RTEL1: variants seen among roughly 807,000 people sequenced by gnomAD.
RTEL1 encodes regulator of telomere elongation helicase 1.
A neutral mutation model predicts 162.2 loss-of-function variants in RTEL1; 86 were observed. That is an observed-to-expected ratio of 0.53 (90% CI 0.45 to 0.63). The LOEUF (loss-of-function observed/expected upper bound fraction) is 0.63. RTEL1 is among the 30% of genes least tolerant of loss of function. The pLI is 0.00. For synonymous variants in RTEL1, 958 were observed against 717.9 expected (o/e 1.33, Z -5.35); for missense variants, 1,941 against 1,750.2 (o/e 1.11, Z -1.95).
chr20:63,686,700 G>C (rs375801167), intron 16 of RTEL1: 1 of 152,318 alleles, frequency 6.6e-6, no homozygotes, highest in African/African-American at 2.4e-5. Context: ...AGGGCGTCAG[G>C]GTGGCGTGGC....
chr20:63,694,939 C>G lies in RTEL1; in HGVS notation c.3308C>G (p.Thr1103Ser), dbSNP rs375241519. ...GTGCTGGCTGTGTTGGCCGCCCTGACCACTGCAAAGCCAGAGGACTTCCCC... is the reference window on the plus strand; with the variant it reads ...GTGCTGGCTGTGTTGGCCGCCCTGAGCACTGCAAAGCCAGAGGACTTCCCC... ...DKVLAVLAAL[T>S]TAKPEDFPLL... Residue 1103 changes from threonine (T) to serine (S), a missense_variant, in exon 32 of 35, where the codon ACC becomes AGC. By Grantham distance (58) the Thr-to-Ser change is moderately conservative (BLOSUM62 1). Coordinates refer to ENST00000360203, the MANE Select transcript of RTEL1 (RefSeq NM_001283009.2). 88 of 1,612,502 alleles carry G rather than the reference C, an allele frequency of 5.5e-5. No homozygotes were observed. Among genetic ancestry groups the G allele is most frequent in the Non-Finnish European group, 7.4e-5 (87 of 1,179,892 alleles).
rs1020375645 is a variant in RTEL1, at chr20:63,668,317, C to T, written c.699+764C>T. Among the ~76,000 whole-genome samples, 14 of 152,148 alleles carry T rather than the reference C, an allele frequency of 9.2e-5. No homozygotes were observed. Among genetic ancestry groups the T allele is most frequent in the Non-Finnish European group, 2.1e-4 (14 of 68,036 alleles). On this transcript the variant is annotated intron_variant, in intron 8 of 34. Transcript: ENST00000360203. The surrounding 1 kb of genome is among the most constrained non-coding windows in gnomAD (Gnocchi z 4.3). Reference sequence around the variant, plus strand: ...ACGTTTCCAGATCCCGTCGTTGGTTCGCTCATTCTCGGGGTGTATATTTAT... The same window carrying T: ...ACGTTTCCAGATCCCGTCGTTGGTTTGCTCATTCTCGGGGTGTATATTTAT...
intron 20 of RTEL1, 25 bp from the exon 21 acceptor site, chr20:63,688,503 G>T: frequency 6.2e-7 from 1 of 1,607,730 alleles, no homozygotes; most frequent in Non-Finnish European, 8.5e-7. Flanking sequence ...CAGGGCTGCC[G>T]TGTCCCTGCC....
In RTEL1 at chr20:63,690,785, G is replaced by A. The variant is rs376268681; in HGVS notation, c.2414-20G>A. 25 of 1,590,858 alleles carry A rather than the reference G, an allele frequency of 1.6e-5. No homozygotes were observed. The highest frequency in any genetic ancestry group is 4.5e-4 in the Middle Eastern group (2 of 4,426). ...TGGGGCCCCCCGTGGGCTTCACTGC[G>A]CACTCGGGTGCCCCTGCAGGGTCAC... On this transcript the variant is annotated intron_variant, in intron 26 of 34. Transcript: ENST00000360203.
chr20:63,666,975 G>A (rs1249614116), intron 7 of RTEL1, among the ~76,000 whole-genome samples: 5 of 151,904 alleles, frequency 3.3e-5, no homozygotes, highest in East Asian at 1.9e-4. Context: ...GAGTAGCTGG[G>A]ACTACAGGTG....
chr20:63,685,290 C>T (rs569096375), intron 14 of RTEL1, among the ~76,000 whole-genome samples: 5 of 152,228 alleles, frequency 3.3e-5, no homozygotes, highest in Admixed American at 2.6e-4. Flanking sequence ...ATTTTCAGTG[C>T]ATGGAGATGG....
intron 26 of RTEL1, 34 bp downstream of exon 26, chr20:63,690,475 G>A (rs1345432216): frequency 1.3e-6 from 2 of 1,520,300 alleles, no homozygotes; most frequent in South Asian, 1.3e-5. Context: ...GGCGGTGTGG[G>A]GGTGGCGGAG....
chr20:63,685,550 G>A lies in RTEL1; in HGVS notation c.1219G>A (p.Gly407Ser). ...QIVFSVDPSE[G>S]SPGSPAGLGA... Reference sequence around the variant, plus strand: ...TGTGTTCAGTGTGGACCCCTCCGAGGGCAGCCCTGGTTCCCCAGCAGGGCT... The same window carrying A: ...TGTGTTCAGTGTGGACCCCTCCGAGAGCAGCCCTGGTTCCCCAGCAGGGCT... Residue 407 changes from glycine (G) to serine (S), a missense_variant, in exon 15 of 35, where the codon GGC (glycine) becomes AGC (serine). By Grantham distance (56) the Gly-to-Ser change is moderately conservative. Coordinates refer to ENST00000360203, the MANE Select transcript of RTEL1 (RefSeq NM_001283009.2). 1 of 1,612,686 alleles carries A rather than the reference G, an allele frequency of 6.2e-7. No homozygotes were observed. Among genetic ancestry groups the A allele is most frequent in the South Asian group, 1.1e-5 (1 of 91,052 alleles).
At position 63,688,133 on chromosome 20, in the gene RTEL1, C is replaced by T. The variant is rs770960415; in HGVS notation, c.1596-6C>T. ...AGGTCCTGAGCAGTGGCCTCTCCGG[C>T]TCTAGGTTTTCCGAGGAGTGCTTAT... On this transcript the variant is annotated splice_polypyrimidine_tract_variant and splice_region_variant and intron_variant, in intron 18 of 34. Coordinates refer to ENST00000360203, the MANE Select transcript of RTEL1 (RefSeq NM_001283009.2). 3 of 1,612,556 alleles carry T rather than the reference C, an allele frequency of 1.9e-6. No individual in the cohort carries two copies. The highest frequency in any genetic ancestry group is 2.2e-5 in the South Asian group (2 of 91,068).
chr20:63,690,462 G>T, intron 26 of RTEL1, 21 bp downstream of exon 26: 1 of 1,546,202 alleles, frequency 6.5e-7, no homozygotes, highest in Non-Finnish European at 8.7e-7. Flanking sequence ...GCAGCGCTGG[G>T]TGGGCGGTGT....
chr20:63,681,353 G>T (rs1211658292), intron 14 of RTEL1: 1 of 985,418 alleles, frequency 1.0e-6, no homozygotes, highest in East Asian at 1.1e-4. Context: ...CCTCTCCGGG[G>T]CCTCGGTGGC....
intron 10 of RTEL1, among the ~76,000 whole-genome samples, chr20:63,675,332 C>T (rs1263884079): frequency 6.6e-6 from 1 of 152,216 alleles, no homozygotes; most frequent in Non-Finnish European, 1.5e-5. Context: ...TCAGCTTCCC[C>T]CATTTTCCTT....
chr20:63,688,823 G>A (rs1366068029), intron 21 of RTEL1: 3 of 635,130 alleles, frequency 4.7e-6, no homozygotes, highest in Non-Finnish European at 8.2e-6. Flanking sequence ...CCTCCTGTCT[G>A]AGTAGCCCTA....
Position 63,690,304 on chromosome 20 carries a change from C to T in RTEL1, c.2276C>T (p.Pro759Leu), listed in dbSNP as rs760299071. The change falls in exon 26 of 35, where the codon CCG becomes CTG. Residue 759 changes from proline (P) to leucine (L), a missense_variant. Coordinates refer to ENST00000360203, the MANE Select transcript of RTEL1 (RefSeq NM_001283009.2). ...FRVAERTMPA[P>L]APRATAPSVR... The stretch of plus-strand genomic sequence containing the variant: ...CCCATGGTTCTGCAGATGCCAGCGC[C>T]GGCCCCCCGGGCTACAGCACCCAGT... The T allele has an allele frequency of 2.1e-5, 33 of 1,605,212 alleles. 1 individual carries two copies. Among genetic ancestry groups the T allele is most frequent in the South Asian group, 1.1e-4 (10 of 90,812 alleles).
chr20:63,690,914 C>G lies in RTEL1; in HGVS notation c.2523C>G (p.Ser841Arg). The G allele has an allele frequency of 6.4e-7, 1 of 1,568,690 alleles. No individual in the cohort carries two copies. Among genetic ancestry groups the G allele is most frequent in the South Asian group, 1.2e-5 (1 of 86,086 alleles). The part of the protein sequence containing the change: ...PRGLLAALEH[S>R]EQRAGSPGEE... ...GGCTGCTGGCCGCCCTGGAGCACAG[C>G]GAACAGCGGGCGGGGAGCCCTGGCG... is the stretch of plus-strand genomic sequence containing the variant. Residue 841 changes from serine to arginine, a missense_variant, in exon 27 of 35, where the codon AGC becomes AGG. Ser to Arg is a moderately radical substitution (Grantham distance 110). Transcript: ENST00000360203.
intron 9 of RTEL1, among the ~76,000 whole-genome samples, chr20:63,673,176 G>A (rs1459831987): frequency 2.6e-5 from 4 of 151,874 alleles, no homozygotes; most frequent in South Asian, 2.1e-4. Context: ...GGCGGATCAC[G>A]AGGTCAAGAG....
In RTEL1 at chr20:63,661,851, T is replaced by C. The variant is rs2146150593; in HGVS notation, c.303T>C (p.Ala101=). The stretch of plus-strand genomic sequence containing the variant: ...CTGTGCTTGCTTGTGTCTGGTCAGC[T>C]TGCTACACGGACATCCCAAAGATTA... ...NAAAAAGDPI[A]CYTDIPKIIY... Residue 101 remains alanine, a splice_region_variant and synonymous_variant, in exon 4 of 35, where the codon GCT becomes GCC. Transcript: ENST00000360203. This position sits in a 1 kb window ranked among gnomAD's most constrained non-coding sequence, Gnocchi z 5.1. 1 of 1,613,924 alleles carries C rather than the reference T, an allele frequency of 6.2e-7. No individual in the cohort carries two copies. Among genetic ancestry groups the C allele is most frequent in the East Asian group, 2.2e-5 (1 of 44,878 alleles).
chr20:63,689,157 C>T, intron 22 of RTEL1, 25 bp downstream of exon 22: 1 of 1,602,688 alleles, frequency 6.2e-7, no homozygotes, highest in Non-Finnish European at 8.5e-7. Context: ...GCCCTCTGCC[C>T]TGACCTGGTT....
chr20:63,662,927 T>A, intron 6 of RTEL1, 38 bp downstream of exon 6: 2 of 1,589,446 alleles, frequency 1.3e-6, no homozygotes, highest in Non-Finnish European at 1.7e-6. Flanking sequence ...CGGGTTGGAG[T>A]GTGTGCAGCC....
Sources: gnomAD v4.1 joint callset for allele counts (sites outside exome capture counted in the v4.1 genomes callset) on GRCh38, gnomAD v4.1.1 for gene constraint, Gnocchi (gnomAD v3.1) non-coding constraint, MANE v1.5 for transcripts, NCBI Gene and HGNC (gene_info 2026-07-23, HGNC 2026-07-21) for gene names.